PRIM2: variants seen among roughly 807,000 people sequenced by gnomAD.
The protein encoded by PRIM2 is DNA primase large subunit.
Under a neutral mutation model 67.3 loss-of-function variants are expected in PRIM2, and 39 were observed. That is an observed-to-expected ratio of 0.58 (90% CI 0.45 to 0.76). The LOEUF (loss-of-function observed/expected upper bound fraction) is 0.76, where lower values mean the gene tolerates loss of function less well. PRIM2 is among the 30% of genes least tolerant of loss of function. The pLI is 0.00. For synonymous variants in PRIM2, 143 were observed against 198.7 expected (o/e 0.72, Z 2.36); for missense variants, 398 against 598.7 (o/e 0.66, Z 3.50).
the PRIM2 span, among the ~76,000 whole-genome samples, chr6:57,280,443 A>G: frequency 6.6e-6 from 1 of 152,138 alleles, no homozygotes; most frequent in African/African-American, 2.4e-5. Flanking sequence ...CAGAAGAGTT[A>G]GAAAGACAAT....
chr6:57,224,030 T>C, the PRIM2 span, among the ~76,000 whole-genome samples: 1 of 152,226 alleles, frequency 6.6e-6, no homozygotes, highest in African/African-American at 2.4e-5. Context: ...ACCATGTTTA[T>C]AGCAGCATTA....
chr6:57,302,064 A>C, the PRIM2 span, among the ~76,000 whole-genome samples: 7 of 152,326 alleles, frequency 4.6e-5, no homozygotes, highest in East Asian at 1.4e-3. Flanking sequence ...AGGGGTCACA[A>C]AATTATTGCT....
chr6:57,430,518 A>G (rs1341810516), intron 7 of PRIM2, among the ~76,000 whole-genome samples: 1 of 139,698 alleles, frequency 7.2e-6, no homozygotes, highest in East Asian at 2.1e-4. Context: ...CAGTGGCGCA[A>G]TCTCAGCTCA....
intron 7 of PRIM2, among the ~76,000 whole-genome samples, chr6:57,402,898 C>T (rs1770760090): frequency 1.3e-5 from 2 of 152,106 alleles, no homozygotes; most frequent in South Asian, 4.2e-4. Context: ...TCCTCTTGCA[C>T]ATATCCAGTT....
chr6:57,411,842 T>C (rs1400255290), intron 7 of PRIM2, among the ~76,000 whole-genome samples: 1 of 151,290 alleles, frequency 6.6e-6, no homozygotes, highest in Non-Finnish European at 1.5e-5. Context: ...TTGGGAAGTA[T>C]ATTCCTTCTT....
the PRIM2 span, among the ~76,000 whole-genome samples, chr6:57,308,600 T>C: frequency 6.6e-6 from 1 of 152,226 alleles, no homozygotes; most frequent in Non-Finnish European, 1.5e-5. Context: ...TACCAGGTAA[T>C]GCCACATTTT....
intron 7 of PRIM2, among the ~76,000 whole-genome samples, chr6:57,475,715 T>C (rs1773461281): frequency 6.6e-6 from 1 of 152,232 alleles, no homozygotes; most frequent in South Asian, 2.1e-4. Context: ...TTTTCCAAAG[T>C]TGCATAGCTA....
At chr6:57,369,812 A>ATTAGTTTCAT (rs1769483881) in intron 5 of PRIM2, among the ~76,000 whole-genome samples, 1 of 152,214 alleles carries the variant, frequency 6.6e-6, no homozygotes, top group Non-Finnish European at 1.5e-5. Context: ...TAATGAAATG[A>ATTAGTTTCAT]CAAGTTTATA....
intron 7 of PRIM2, among the ~76,000 whole-genome samples, chr6:57,392,322 A>T (rs1183501060): frequency 2.6e-5 from 4 of 152,142 alleles, no homozygotes; most frequent in African/African-American, 9.7e-5. Flanking sequence ...GCAAACAGGG[A>T]TAGTTTGATT....
chr6:57,624,652 A>G (rs1181007290), intron 12 of PRIM2, among the ~76,000 whole-genome samples: 1 of 152,210 alleles, frequency 6.6e-6, no homozygotes, highest in Non-Finnish European at 1.5e-5. Context: ...AAGGAGCAGC[A>G]TTCATTCAAC....
chr6:57,639,314 C>G (rs1346100123), intron 13 of PRIM2, among the ~76,000 whole-genome samples: 1 of 151,712 alleles, frequency 6.6e-6, no homozygotes, highest in East Asian at 1.9e-4. Flanking sequence ...AATCTAAAGT[C>G]GACACCCTAG....
At chr6:57,518,897 A>G (rs1384207159) in intron 8 of PRIM2, among the ~76,000 whole-genome samples, 1 of 152,164 alleles carries the variant, frequency 6.6e-6, no homozygotes, top group Admixed American at 6.5e-5. Context: ...TTATCGGGGA[A>G]CCTGCCCCGA....
At chr6:57,285,167 C>G in the PRIM2 span, among the ~76,000 whole-genome samples, 68 of 152,234 alleles carry the variant, frequency 4.5e-4, no homozygotes, top group African/African-American at 1.6e-3. Flanking sequence ...CAGGACTGGA[C>G]GGATTCACAG....
chr6:57,593,746 ATTTG>A (rs1776321457), intron 10 of PRIM2, among the ~76,000 whole-genome samples: 2 of 152,208 alleles, frequency 1.3e-5, no homozygotes, highest in East Asian at 1.9e-4. Context: ...AGAGATGACA[ATTTG>A]TTTGGTAAAT....
intron 10 of PRIM2, among the ~76,000 whole-genome samples, chr6:57,592,790 C>CA (rs1181535156): frequency 0.049 from 5,398 of 110,972 alleles, 122 homozygotes; most frequent in Non-Finnish European, 0.067. Flanking sequence ...GACTCTGTCT[C>CA]AAAAAAAAAA....
intron 5 of PRIM2, among the ~76,000 whole-genome samples, chr6:57,345,359 G>A (rs1768637675): frequency 6.6e-6 from 1 of 151,696 alleles, no homozygotes. Context: ...TAGAGACGGG[G>A]TTTTGTCATG....
At chr6:57,391,610 T>G (rs1770347871) in intron 7 of PRIM2, among the ~76,000 whole-genome samples, 2 of 152,228 alleles carry the variant, frequency 1.3e-5, no homozygotes, top group South Asian at 4.1e-4. Flanking sequence ...CACCATTTAT[T>G]GAATAGGGGT....
intron 9 of PRIM2, among the ~76,000 whole-genome samples, chr6:57,535,690 C>T (rs1774988261): frequency 6.6e-6 from 1 of 152,074 alleles, no homozygotes; most frequent in Non-Finnish European, 1.5e-5. Context: ...CATGGTGAAA[C>T]TCTGTCTCTA....
intron 2 of PRIM2, 135 bp from the exon 3 acceptor site, chr6:57,320,322 C>T (rs1397186019): frequency 2.3e-5 from 13 of 576,204 alleles, no homozygotes; most frequent in South Asian, 4.5e-5. Context: ...TATATGATGT[C>T]GTTACAGGAA....
Sources: allele counts gnomAD v4.1 joint callset (sites outside exome capture counted in the v4.1 genomes callset), GRCh38; gene constraint gnomAD v4.1.1; transcripts MANE v1.5; gene names NCBI Gene and HGNC (gene_info 2026-07-23, HGNC 2026-07-21).